The following TCF12 variants were observed in gnomAD, a reference collection of about 807,000 sequenced individuals.
TCF12 encodes transcription factor 12.
Under a neutral mutation model 86.0 loss-of-function variants are expected in TCF12, and 45 were observed. The ratio of observed to expected loss-of-function variants is 0.52; its 90% CI spans 0.41 to 0.67. TCF12 has a LOEUF of 0.67. Ranked by LOEUF, TCF12 falls within the 30% of genes least tolerant of loss-of-function variation. The probability of loss-of-function intolerance (pLI) is 0.00; values close to 1 mark genes in which losing one functional copy is unlikely to be tolerated. For missense variants in TCF12, 881 were observed against 859.9 expected (o/e 1.02, Z -0.31); for synonymous variants, 330 against 299.6 (o/e 1.10, Z -1.05).
intron 6 of TCF12, among the ~76,000 whole-genome samples, chr15:57,170,721 ATTAT>A (rs2055357367): frequency 3.8e-5 from 1 of 26,206 alleles, no homozygotes; most frequent in Non-Finnish European, 8.5e-5. Context: ...TAATATATAT[ATTAT>A]ATATTATATA....
intron 5 of TCF12, among the ~76,000 whole-genome samples, chr15:57,130,480 A>G (rs893357170): frequency 1.3e-5 from 2 of 151,908 alleles, no homozygotes; most frequent in Non-Finnish European, 2.9e-5. Context: ...AGAAACCCCT[A>G]CTCTTTTGGC....
At chr15:56,923,620 T>C (rs1406653240) in intron 3 of TCF12, among the ~76,000 whole-genome samples, 1 of 152,134 alleles carries the variant, frequency 6.6e-6, no homozygotes, top group African/African-American at 2.4e-5. Context: ...GAAGGAAAGT[T>C]GGTTAAAAGG....
At chr15:57,009,884 A>C (rs1338120541) in intron 3 of TCF12, among the ~76,000 whole-genome samples, 7 of 152,122 alleles carry the variant, frequency 4.6e-5, no homozygotes, top group African/African-American at 1.7e-4. Context: ...GCTCTGTGTG[A>C]CTCTATGTAA....
intron 6 of TCF12, among the ~76,000 whole-genome samples, chr15:57,184,007 G>T (rs2056517682): frequency 6.6e-6 from 1 of 152,040 alleles, no homozygotes; most frequent in African/African-American, 2.4e-5. Context: ...ACTACTATTT[G>T]ATTTCTTTGA....
At chr15:57,198,908 A>G (rs182739373) in intron 8 of TCF12, among the ~76,000 whole-genome samples, 219 of 152,254 alleles carry the variant, frequency 1.4e-3, no homozygotes, top group Non-Finnish European at 2.6e-3. Context: ...TAGAGATACA[A>G]TCTTTTTGGT....
intron 4 of TCF12, among the ~76,000 whole-genome samples, chr15:57,084,925 G>A (rs979629455): frequency 4.6e-5 from 7 of 152,126 alleles, no homozygotes; most frequent in Non-Finnish European, 7.4e-5. Flanking sequence ...AAAATGTTTA[G>A]ATATGTCACA....
At chr15:57,285,286 A>T (rs1298250723) in intron 20 of TCF12, among the ~76,000 whole-genome samples, 4 of 152,190 alleles carry the variant, frequency 2.6e-5, no homozygotes, top group South Asian at 2.1e-4. Context: ...GTGTACCTAA[A>T]CAATACTGTG....
Position 56,969,296 on chromosome 15 carries a change from G to C in TCF12, c.148+48198G>C, listed in dbSNP as rs566660494. On this transcript the variant is annotated intron_variant, in intron 3 of 20. Transcript: ENST00000333725. The stretch of plus-strand genomic sequence containing the variant: ...CTTCAGTAGGATCACTCTGGCTGCT[G>C]TGTAGAGAATAGGGTAGAAAGAAGA... Among the ~76,000 whole-genome samples the C allele has an allele frequency of 6.6e-5, 10 of 152,284 alleles. No homozygotes were observed. In the South Asian group the frequency reaches 2.1e-3, roughly 32 times the overall value.
At chr15:57,030,349 C>G (rs1353681274) in intron 3 of TCF12, among the ~76,000 whole-genome samples, 3 of 152,120 alleles carry the variant, frequency 2.0e-5, no homozygotes, top group African/African-American at 7.2e-5. Flanking sequence ...ACTGATTCTC[C>G]CACCCCAGCC....
At chr15:57,113,128 C>T (rs1157954995) in intron 5 of TCF12, among the ~76,000 whole-genome samples, 6 of 152,138 alleles carry the variant, frequency 3.9e-5, no homozygotes, top group East Asian at 1.9e-4. Context: ...TTCTCATCTT[C>T]ATCTCTACCA....
chr15:57,164,671 A>AT (rs1179394769), intron 5 of TCF12, among the ~76,000 whole-genome samples: 4 of 151,136 alleles, frequency 2.6e-5, no homozygotes, highest in South Asian at 4.2e-4. Flanking sequence ...CACAATAAGA[A>AT]TTTTTTTTTC....
chr15:57,135,540 T>C (rs761915229), intron 5 of TCF12, among the ~76,000 whole-genome samples: 5 of 152,242 alleles, frequency 3.3e-5, no homozygotes, highest in Non-Finnish European at 7.3e-5. Context: ...TAGACATAAA[T>C]GATCAAGCAG....
At chr15:57,068,594 T>TA (rs1374039458) in intron 4 of TCF12, among the ~76,000 whole-genome samples, 6 of 152,210 alleles carry the variant, frequency 3.9e-5, no homozygotes, top group Admixed American at 3.9e-4. Flanking sequence ...TATAACACCT[T>TA]ATACATGATG....
intron 3 of TCF12, among the ~76,000 whole-genome samples, chr15:57,000,259 C>G (rs142438909): frequency 1.9e-4 from 29 of 151,680 alleles, no homozygotes; most frequent in African/African-American, 7.0e-4. Context: ...GTTACAGCCT[C>G]CGTCTCCTGG....
At chr15:56,971,484 G>A (rs1448607476) in intron 3 of TCF12, among the ~76,000 whole-genome samples, 1 of 152,060 alleles carries the variant, frequency 6.6e-6, no homozygotes. Context: ...CAGAAAAATA[G>A]GTCAAAGTTA....
At chr15:57,269,360 CTTTTTTTTTTT>C (rs56700978) in intron 18 of TCF12, among the ~76,000 whole-genome samples, 4 of 31,944 alleles carry the variant, frequency 1.3e-4, no homozygotes, top group Admixed American at 1.1e-3. Flanking sequence ...ACAACCCCTG[CTTTTTTTTTTT>C]TTTTTTTTTT....
chr15:57,149,557 C>A (rs1596834227), intron 5 of TCF12, among the ~76,000 whole-genome samples: 2 of 152,168 alleles, frequency 1.3e-5, no homozygotes, highest in South Asian at 4.1e-4. Context: ...AATAAAACAT[C>A]TAATGTTGGA....
At chr15:57,007,812 TTCTTTCTTTTTC>T (rs1360680867) in intron 3 of TCF12, among the ~76,000 whole-genome samples, 147 of 134,676 alleles carry the variant, frequency 1.1e-3, no homozygotes, top group Non-Finnish European at 1.7e-3. Flanking sequence ...CTTTCTTTCT[TTCTTTCTTTTTC>T]TTTCTTTCTT....
intron 3 of TCF12, among the ~76,000 whole-genome samples, chr15:57,023,770 A>G (rs1306555401): frequency 3.9e-5 from 6 of 152,222 alleles, no homozygotes; most frequent in Non-Finnish European, 5.9e-5. Flanking sequence ...TTTTTGTTAT[A>G]GTTTAAAGGT....
Sources: allele counts gnomAD v4.1 joint callset (sites outside exome capture counted in the v4.1 genomes callset), GRCh38; gene constraint gnomAD v4.1.1; transcripts MANE v1.5; gene names NCBI Gene and HGNC (gene_info 2026-07-23, HGNC 2026-07-21).